LY75: variants seen among roughly 807,000 people sequenced by gnomAD.
The protein encoded by LY75 is C-type lectin domain family 13 member B.
Under a neutral mutation model 231.7 loss-of-function variants are expected in LY75, and 185 were observed. The ratio of observed to expected loss-of-function variants is 0.80; its 90% CI spans 0.71 to 0.90. LY75 has a LOEUF of 0.90. Ranked by LOEUF, LY75 falls within the 40% of genes least tolerant of loss-of-function variation. The pLI is 0.00. For synonymous variants in LY75, 668 were observed against 689.0 expected, an observed-to-expected ratio of 0.97 and a Z score of 0.48; for missense variants, 1,947 against 2,050.2, an observed-to-expected ratio of 0.95 and a Z score of 0.97.
chr2:159,885,785 A>C (rs1574593003), intron 5 of LY75, among the ~76,000 whole-genome samples: 1 of 152,304 alleles, frequency 6.6e-6, no homozygotes, highest in East Asian at 1.9e-4. Context: ...CTCTTAACTC[A>C]GTTTTCCTAC....
chr2:159,890,458 G>A (rs1685717812), intron 3 of LY75, 81 bp from the exon 4 acceptor site: 3 of 1,580,368 alleles, frequency 1.9e-6, no homozygotes, highest in South Asian at 2.3e-5. Context: ...AATACTGCAA[G>A]TCAATTTGCA....
chr2:159,898,237 C>G (rs1208993587), intron 2 of LY75, among the ~76,000 whole-genome samples: 1 of 152,210 alleles, frequency 6.6e-6, no homozygotes, highest in Admixed American at 6.5e-5. Context: ...GCCTCAGTCT[C>G]TCGAGAAGCT....
At chr2:159,855,276 T>C (rs1684515367) in intron 16 of LY75, among the ~76,000 whole-genome samples, 1 of 152,234 alleles carries the variant, frequency 6.6e-6, no homozygotes, top group African/African-American at 2.4e-5. Flanking sequence ...ATATTGTATG[T>C]GTTACACAGA....
At chr2:159,808,390 G>T in intron 33 of LY75, 59 bp downstream of exon 33, 1 of 1,611,314 alleles carries the variant, frequency 6.2e-7, no homozygotes, top group Non-Finnish European at 8.5e-7. Context: ...AGGACGACTT[G>T]TTATTTAGGA....
rs552249302 is a variant in LY75 at position 159,899,751 on chromosome 2, T to C, written c.95-692A>G. On this transcript the variant is annotated intron_variant, in intron 1 of 34. Transcript: ENST00000263636. ...GATATTTTTTGGAGACCTAAATTCATTGAGGTATCTCAGAGGAAATGGGGA... is the reference window on the plus strand; with the variant it reads ...GATATTTTTTGGAGACCTAAATTCACTGAGGTATCTCAGAGGAAATGGGGA... Among the ~76,000 whole-genome samples, 4 of 152,338 alleles carry C rather than the reference T, an allele frequency of 2.6e-5. No homozygotes were observed. In the East Asian group the frequency reaches 5.8e-4, roughly 22 times the overall value.
At chr2:159,839,092 G>A (rs994437483) in intron 25 of LY75, among the ~76,000 whole-genome samples, 3 of 151,944 alleles carry the variant, frequency 2.0e-5, no homozygotes, top group African/African-American at 7.3e-5. Context: ...CACCATGCCC[G>A]GCCGATCTGG....
At chr2:159,865,712 T>C (rs1684837550) in intron 13 of LY75, among the ~76,000 whole-genome samples, 1 of 152,112 alleles carries the variant, frequency 6.6e-6, no homozygotes, top group South Asian at 2.1e-4. Context: ...GTGAGGTTGG[T>C]AGGACAAAAG....
Position 159,882,323 on chromosome 2 carries a change from A to G in LY75, c.1055-8T>C, listed in dbSNP as rs745893006. On this transcript the variant is annotated splice_polypyrimidine_tract_variant and splice_region_variant and intron_variant, in intron 6 of 34. Transcript: ENST00000263636. ...CTGAGTATGTCCAGACATCTGGGGG[A>G]AAAGCAGCTATTTATATTCCAGTAA... The G allele has an allele frequency of 6.2e-6, 10 of 1,610,846 alleles. No homozygotes were observed. The highest frequency in any genetic ancestry group is 4.0e-5 in the African/African-American group (3 of 74,730).
At chr2:159,883,143 A>AG (rs1414752415) in intron 6 of LY75, among the ~76,000 whole-genome samples, 2 of 23,060 alleles carry the variant, frequency 8.7e-5, no homozygotes, top group Admixed American at 5.8e-4. Context: ...GGGGAGGGGG[A>AG]GGGGGGAGGG....
chr2:159,890,507 C>T, intron 3 of LY75, 130 bp from the exon 4 acceptor site: 1 of 1,234,738 alleles, frequency 8.1e-7, no homozygotes. Flanking sequence ...TGCCATCACT[C>T]ATTTAGACCA....
chr2:159,868,070 T>A (rs1270643067), intron 13 of LY75, among the ~76,000 whole-genome samples: 1 of 152,200 alleles, frequency 6.6e-6, no homozygotes, highest in African/African-American at 2.4e-5. Flanking sequence ...TTTTCTAATA[T>A]AAATGGGTTT....
chr2:159,825,420 T>A (rs1248060381), intron 28 of LY75, among the ~76,000 whole-genome samples: 1 of 152,126 alleles, frequency 6.6e-6, no homozygotes, highest in African/African-American at 2.4e-5. Flanking sequence ...AGAAGCTGAA[T>A]CCCTGAATAA....
chr2:159,878,672 A>G lies in LY75; in HGVS notation c.1565T>C (p.Val522Ala). The G allele has an allele frequency of 1.2e-6, 2 of 1,613,952 alleles. No homozygotes were observed. The highest frequency in any genetic ancestry group is 1.7e-6 in the Non-Finnish European group (2 of 1,179,920). ...ETCYKIYEDEVPFGTNCNLTI... is the reference protein window; with the variant it reads ...ETCYKIYEDEAPFGTNCNLTI... ...CAGATTGCAGTTTGTTCCAAAAGGG[A>G]CCTCATCCTCATAAATCTTGTAACA... The change falls in exon 10 of 35, where the codon GTC (valine) becomes GCC (alanine). Residue 522 changes from valine (V) to alanine (A), a missense_variant. Coordinates refer to ENST00000263636, the MANE Select transcript of LY75 (RefSeq NM_002349.4).
In LY75 at chr2:159,859,840, C is replaced by T. The variant is rs1047410795; in HGVS notation, c.2268+981G>A. Reference sequence around the variant, plus strand: ...ATATGTGACATGCCTAGTATAGTGGCTGGCTCATAAAGGAGTTAATCAGTG... The same window carrying T: ...ATATGTGACATGCCTAGTATAGTGGTTGGCTCATAAAGGAGTTAATCAGTG... On this transcript the variant is annotated intron_variant, in intron 15 of 34. Transcript: ENST00000263636. Among the ~76,000 whole-genome samples the T allele has an allele frequency of 5.9e-5, 9 of 152,316 alleles. No homozygotes were observed. In the East Asian group the frequency reaches 9.6e-4, roughly 16 times the overall value.
chr2:159,903,486 C>T (rs1315003972), intron 1 of LY75: 1 of 152,202 alleles, frequency 6.6e-6, no homozygotes, highest in Non-Finnish European at 1.5e-5. Context: ...AGAAGTGTGA[C>T]TCAGAGCAGG....
At chr2:159,829,855 C>A (rs569459673) in intron 28 of LY75, among the ~76,000 whole-genome samples, 1 of 152,062 alleles carries the variant, frequency 6.6e-6, no homozygotes, top group African/African-American at 2.4e-5. Flanking sequence ...TCTAAAAATG[C>A]TTTTTCAGAA....
rs776865261 is a variant in LY75, at chr2:159,894,026, A to G, written c.525T>C (p.Ile175=). The part of the protein sequence containing the change: ...YGRPCEFPFL[I]DGTWHHDCIL... ...TGCAATCATGATGCCAGGTCCCATC[A>G]ATTAAGAATGGAAATTCACAAGGTC... The change falls in exon 3 of 35, where the codon ATT becomes ATC. Residue 175 remains isoleucine (I), a synonymous_variant. Coordinates refer to ENST00000263636, the MANE Select transcript of LY75 (RefSeq NM_002349.4). The G allele has an allele frequency of 6.2e-7, 1 of 1,613,834 alleles. No individual in the cohort carries two copies. The highest frequency in any genetic ancestry group is 1.7e-5 in the Admixed American group (1 of 60,002).
chr2:159,830,333 C>G (rs1683612182), intron 28 of LY75, among the ~76,000 whole-genome samples: 1 of 152,134 alleles, frequency 6.6e-6, no homozygotes, highest in African/African-American at 2.4e-5. Flanking sequence ...ATCAAACCCT[C>G]TTTAGAGTAA....
In LY75 at chr2:159,826,306, C is replaced by T. The variant is rs565138159; in HGVS notation, c.3958+5364G>A. ...CAAAAATCACAAGCATTCCTGTACA[C>T]CAATAACAGACAAATAGAGAGCCAA... On this transcript the variant is annotated intron_variant, in intron 28 of 34. Coordinates refer to ENST00000263636, the MANE Select transcript of LY75 (RefSeq NM_002349.4). Among the ~76,000 whole-genome samples the T allele has an allele frequency of 8.4e-4, 128 of 152,224 alleles. 1 individual carries two copies. The highest frequency in any genetic ancestry group is 2.9e-3 in the African/African-American group (119 of 41,558).
Sources: gnomAD v4.1 joint callset for allele counts (sites outside exome capture counted in the v4.1 genomes callset) on GRCh38, gnomAD v4.1.1 for gene constraint, MANE v1.5 for transcripts, NCBI Gene and HGNC (gene_info 2026-07-23, HGNC 2026-07-21) for gene names.